MAD1L1: variants seen among roughly 807,000 people sequenced by gnomAD.
MAD1L1 encodes mitotic arrest deficient 1 like 1.
In MAD1L1, 95 loss-of-function variants were observed where a neutral mutation model predicts 96.9. The ratio of observed to expected loss-of-function variants is 0.98; its 90% CI spans 0.83 to 1.16. The LOEUF is 1.16. Ranked by LOEUF, MAD1L1 falls within the 50% of genes most tolerant of loss-of-function variation. The pLI is 0.00. For synonymous variants in MAD1L1, 473 were observed against 396.6 expected, an observed-to-expected ratio of 1.19 and a Z score of -2.29; for missense variants, 1,007 against 954.4, an observed-to-expected ratio of 1.06 and a Z score of -0.73.
intron 12 of MAD1L1, among the ~76,000 whole-genome samples, chr7:2,051,565 C>G (rs189213658): frequency 5.9e-5 from 9 of 152,142 alleles, no homozygotes. Context: ...AGCCCAGGAA[C>G]GAGACATTGA....
At chr7:1,985,848 C>T (rs892290956) in intron 14 of MAD1L1, among the ~76,000 whole-genome samples, 2 of 152,136 alleles carry the variant, frequency 1.3e-5, no homozygotes, top group African/African-American at 2.4e-5. Context: ...ATGCAACCCC[C>T]GGCCTCACCG....
chr7:1,874,917 C>A (rs1332673132), intron 18 of MAD1L1, among the ~76,000 whole-genome samples: 1 of 152,112 alleles, frequency 6.6e-6, no homozygotes, highest in Non-Finnish European at 1.5e-5. Context: ...CCATAGGCAC[C>A]CTGCACCTGT....
chr7:1,986,179 C>T (rs1166908107), intron 14 of MAD1L1, among the ~76,000 whole-genome samples: 1 of 152,130 alleles, frequency 6.6e-6, no homozygotes, highest in East Asian at 1.9e-4. Context: ...CCAATCAGCC[C>T]CCAGTAGCTC....
intron 12 of MAD1L1, among the ~76,000 whole-genome samples, chr7:2,064,451 C>T (rs1247659010): frequency 6.6e-6 from 1 of 152,220 alleles, no homozygotes; most frequent in Non-Finnish European, 1.5e-5. Context: ...CGGCTCTGGC[C>T]CCTGTAAGAG....
At chr7:1,900,289 C>A (rs1787164630) in intron 17 of MAD1L1, among the ~76,000 whole-genome samples, 1 of 152,232 alleles carries the variant, frequency 6.6e-6, no homozygotes, top group Non-Finnish European at 1.5e-5. Flanking sequence ...GGTGCAGGGA[C>A]CACGTTAGCA....
Position 1,815,858 on chromosome 7 carries a change from C to T in MAD1L1, c.*212G>A, listed in dbSNP as rs558707173. The T allele has an allele frequency of 5.5e-6, 3 of 550,226 alleles. No individual in the cohort carries two copies. The highest frequency in any genetic ancestry group is 9.5e-6 in the Non-Finnish European group (3 of 315,266). 34.1% of individuals were successfully genotyped at this position (550,226 alleles called of 1,614,324 possible). A position where few individuals can be genotyped will look rare whatever the true frequency, so the allele number is the denominator to read the frequency against. On this transcript the variant is annotated 3_prime_UTR_variant, in exon 19 of 19. Transcript: ENST00000265854. ...CAGGCTGGTGGCCGACGCCCACACACCAGGCTCCGGGACGCATGGGGTCTG... is the reference window on the plus strand; with the variant it reads ...CAGGCTGGTGGCCGACGCCCACACATCAGGCTCCGGGACGCATGGGGTCTG...
chr7:2,016,244 T>C (rs973406219), intron 12 of MAD1L1, among the ~76,000 whole-genome samples: 4 of 152,118 alleles, frequency 2.6e-5, no homozygotes, highest in African/African-American at 9.7e-5. Flanking sequence ...AAGGGGCCAA[T>C]GCTCCGGCAC....
In MAD1L1 at chr7:2,167,333, C is replaced by G. The variant is rs370616151; in HGVS notation, c.987-18095G>C. On this transcript the variant is annotated intron_variant, in intron 10 of 18. Transcript: ENST00000265854. Reference sequence around the variant, plus strand: ...GAGGCTGAGGCGGGCGGATCACGAGCTCAGGAGATAGAGACCATCCTGGCT... The same window carrying G: ...GAGGCTGAGGCGGGCGGATCACGAGGTCAGGAGATAGAGACCATCCTGGCT... Among the ~76,000 whole-genome samples the G allele has an allele frequency of 5.4e-5, 8 of 149,338 alleles. No individual in the cohort carries two copies. In the East Asian group the frequency reaches 1.2e-3, roughly 23 times the overall value.
At chr7:1,978,850 C>A (rs994234409) in intron 15 of MAD1L1, among the ~76,000 whole-genome samples, 2 of 152,150 alleles carry the variant, frequency 1.3e-5, no homozygotes, top group African/African-American at 4.8e-5. Flanking sequence ...GCCCTAAGGA[C>A]GCCACGGCAC....
At chr7:1,891,921 T>C (rs1401244961) in intron 18 of MAD1L1, among the ~76,000 whole-genome samples, 6 of 152,174 alleles carry the variant, frequency 3.9e-5, no homozygotes, top group Non-Finnish European at 7.3e-5. Flanking sequence ...TTTTTAATAG[T>C]TGAGTGTAGC....
At chr7:1,852,102 C>A (rs1222449284) in intron 18 of MAD1L1, among the ~76,000 whole-genome samples, 1 of 152,214 alleles carries the variant, frequency 6.6e-6, no homozygotes, top group East Asian at 1.9e-4. Context: ...GCCCGAGACC[C>A]AGGGCAGGAC....
chr7:2,107,765 C>T (rs1458937929), intron 11 of MAD1L1: 2 of 152,284 alleles, frequency 1.3e-5, no homozygotes, highest in Non-Finnish European at 2.9e-5. Context: ...CAACGCACTT[C>T]CTATGTTTCA....
chr7:1,877,729 G>A (rs1416611823), intron 18 of MAD1L1, among the ~76,000 whole-genome samples: 3 of 152,082 alleles, frequency 2.0e-5, no homozygotes, highest in African/African-American at 7.2e-5. Context: ...AAGAAAGCAG[G>A]AGTGGCTATA....
intron 11 of MAD1L1, among the ~76,000 whole-genome samples, chr7:2,071,165 G>A (rs1293085677): frequency 6.6e-6 from 1 of 152,194 alleles, no homozygotes; most frequent in Non-Finnish European, 1.5e-5. Context: ...GGTCTCCACT[G>A]GACTCATGTT....
At chr7:2,095,496 G>A (rs1443443753) in intron 11 of MAD1L1, among the ~76,000 whole-genome samples, 1 of 152,214 alleles carries the variant, frequency 6.6e-6, no homozygotes, top group East Asian at 1.9e-4. Context: ...CGGCTCCCAG[G>A]CTGCAAACGG....
At chr7:2,018,096 C>A (rs375705381) in intron 12 of MAD1L1, among the ~76,000 whole-genome samples, 9 of 152,162 alleles carry the variant, frequency 5.9e-5, no homozygotes, top group African/African-American at 2.2e-4. Flanking sequence ...CAGAGACCGG[C>A]CCCGTGGCCC....
intron 14 of MAD1L1, among the ~76,000 whole-genome samples, chr7:2,000,285 T>C (rs911335372): frequency 1.3e-5 from 2 of 151,976 alleles, no homozygotes; most frequent in Non-Finnish European, 2.9e-5. Flanking sequence ...CCGCACGCCA[T>C]TGCAGTCCTA....
intron 12 of MAD1L1, among the ~76,000 whole-genome samples, chr7:2,046,880 G>C (rs1296229824): frequency 2.6e-5 from 4 of 152,160 alleles, no homozygotes; most frequent in African/African-American, 7.2e-5. Context: ...CACACGCACA[G>C]TGCCCGGCCC....
At chr7:1,890,471 C>T (rs370217678) in intron 18 of MAD1L1, among the ~76,000 whole-genome samples, 27 of 152,340 alleles carry the variant, frequency 1.8e-4, no homozygotes, top group African/African-American at 4.8e-4. Flanking sequence ...CATGAGTGGA[C>T]GCAGCCTGAG....
Sources: allele counts gnomAD v4.1 joint callset (sites outside exome capture counted in the v4.1 genomes callset), GRCh38; gene constraint gnomAD v4.1.1; transcripts MANE v1.5; gene names NCBI Gene and HGNC (gene_info 2026-07-23, HGNC 2026-07-21).